COLGALT2: variants seen among roughly 807,000 people sequenced by gnomAD.
The protein encoded by COLGALT2 is collagen beta(1-O)galactosyltransferase 2.
In COLGALT2, 49 loss-of-function variants were observed where a neutral mutation model predicts 73.4. That is an observed-to-expected ratio of 0.67 (90% CI 0.53 to 0.85). COLGALT2 has a LOEUF of 0.85. Among genes scored for constraint, COLGALT2 ranks in the 40% least tolerant of loss-of-function variants. The pLI, the probability that COLGALT2 is intolerant of heterozygous loss-of-function variation, is 0.00. For synonymous variants in COLGALT2, 295 were observed against 307.6 expected (o/e 0.96, Z 0.43); for missense variants, 722 against 790.2 (o/e 0.91, Z 1.03).
Position 183,936,816 on chromosome 1 carries a change from C to T in COLGALT2, c.*1945G>A. ...CACAATTTAGAGTTGGGTGAGTTCCCTTTCCTCCAGCGGCCTAGCTTGCTG... is the reference window on the plus strand; with the variant it reads ...CACAATTTAGAGTTGGGTGAGTTCCTTTTCCTCCAGCGGCCTAGCTTGCTG... On this transcript the variant is annotated 3_prime_UTR_variant, in exon 12 of 12. Coordinates refer to ENST00000361927, the MANE Select transcript of COLGALT2 (RefSeq NM_015101.4). 2 of 1,231,676 alleles carry T rather than the reference C, an allele frequency of 1.6e-6. No homozygotes were observed. The highest frequency in any genetic ancestry group is 1.0e-6 in the Non-Finnish European group (1 of 987,954). The allele number at this position is 1,231,676 out of a possible 1,614,324, so 76.3% of individuals were successfully genotyped here. A position where few individuals can be genotyped will look rare whatever the true frequency, so the allele number is the denominator to read the frequency against.
chr1:183,978,357 G>A, intron 2 of COLGALT2, 53 bp downstream of exon 2: 1 of 1,004,636 alleles, frequency 1.0e-6, no homozygotes, highest in Non-Finnish European at 1.6e-6. Context: ...TAAAGAGCTA[G>A]TTAAAGAGGA....
downstream of COLGALT2, among the ~76,000 whole-genome samples, chr1:183,931,860 TAAAA>T (rs35058267): frequency 1.7e-5 from 2 of 119,988 alleles, no homozygotes; most frequent in African/African-American, 3.1e-5. Context: ...GTTCCTGCCA[TAAAA>T]AAAAAAAAAA....
chr1:183,951,837 A>C (rs996321606), intron 7 of COLGALT2, among the ~76,000 whole-genome samples: 1 of 152,216 alleles, frequency 6.6e-6, no homozygotes, highest in African/African-American at 2.4e-5. Context: ...ATAGAACCAG[A>C]AAAAAATCTT....
At chr1:184,036,240 C>A (rs1649670839) in intron 1 of COLGALT2, among the ~76,000 whole-genome samples, 1 of 152,194 alleles carries the variant, frequency 6.6e-6, no homozygotes, top group Admixed American at 6.5e-5. Context: ...CTCGGATCCT[C>A]GCGTTTATAA....
At chr1:184,008,478 C>T (rs988566176) in intron 1 of COLGALT2, among the ~76,000 whole-genome samples, 7 of 152,086 alleles carry the variant, frequency 4.6e-5, no homozygotes, top group Non-Finnish European at 8.8e-5. Context: ...CCCTGTAATC[C>T]TAACATTTTG....
intron 1 of COLGALT2, among the ~76,000 whole-genome samples, chr1:184,017,795 T>G (rs1189532378): frequency 6.6e-6 from 1 of 152,090 alleles, no homozygotes; most frequent in Non-Finnish European, 1.5e-5. Flanking sequence ...CCTGGGCAGG[T>G]CACTGTTTTG....
intron 6 of COLGALT2, among the ~76,000 whole-genome samples, chr1:183,962,154 C>CTTTTTTTTTTTTTTTTTTTTT (rs34873073): frequency 7.0e-5 from 6 of 85,542 alleles, no homozygotes; most frequent in African/African-American, 2.5e-4. Flanking sequence ...TTTTCTCTTT[C>CTTTTTTTTTTTTTTTTTTTTT]TTTTTTTTTT....
In COLGALT2 at chr1:183,969,299, T is replaced by C; in HGVS notation, c.802A>G (p.Ile268Val). The change falls in exon 5 of 12, where the codon ATT becomes GTT. Residue 268 changes from isoleucine to valine, a missense_variant. Coordinates refer to ENST00000361927, the MANE Select transcript of COLGALT2 (RefSeq NM_015101.4). ...TGCCTGCTGGAGAAGGCAAAGACAA[T>C]GATGTCATCAAAGGTCCAGGTGTAG... ...QDYTWTFDDI[I>V]VFAFSSRQAG... 2 of 1,613,052 alleles carry C rather than the reference T, an allele frequency of 1.2e-6. No individual in the cohort carries two copies. Among genetic ancestry groups the C allele is most frequent in the Admixed American group, 1.7e-5 (1 of 59,886 alleles).
At position 184,019,593 on chromosome 1, in the gene COLGALT2, A is replaced by G. The variant is rs1288056670; in HGVS notation, c.263+17502T>C. 2.6e-5 allele frequency among the ~76,000 whole-genome samples: 4 copies of G among 152,222 alleles called. No individual in the cohort carries two copies. In the East Asian group the frequency reaches 5.8e-4, roughly 22 times the overall value. On this transcript the variant is annotated intron_variant, in intron 1 of 11. Transcript: ENST00000361927. ...GATGCAGAAATCAAAGCCTCAAAGA[A>G]TCAAAAATGATAGAAGAGCTTTTCA...
At chr1:184,009,430 GTATTA>G (rs1275623212) in intron 1 of COLGALT2, among the ~76,000 whole-genome samples, 2 of 152,198 alleles carry the variant, frequency 1.3e-5, no homozygotes, top group Non-Finnish European at 2.9e-5. Flanking sequence ...TTCTCAGTAT[GTATTA>G]TATTTGGTCA....
chr1:184,031,839 C>CCTTCCTTT (rs1454468324), intron 1 of COLGALT2, among the ~76,000 whole-genome samples: 50 of 151,036 alleles, frequency 3.3e-4, no homozygotes, highest in Admixed American at 3.2e-3. Flanking sequence ...TTCCTTCCTT[C>CCTTCCTTT]CTTCCTTCCT....
Sources: gnomAD v4.1 joint callset for allele counts (sites outside exome capture counted in the v4.1 genomes callset) on GRCh38, gnomAD v4.1.1 for gene constraint, MANE v1.5 for transcripts, NCBI Gene and HGNC (gene_info 2026-07-23, HGNC 2026-07-21) for gene names.